FMN1: variants seen among roughly 807,000 people sequenced by gnomAD.
FMN1 encodes the protein formin 1.
In FMN1, 110 loss-of-function variants were observed where a neutral mutation model predicts 132.4. The observed-to-expected ratio is 0.83, with a 90% CI of 0.71 to 0.97. FMN1 has a LOEUF of 0.97. FMN1 is among the 50% of genes least tolerant of loss of function. The pLI, the probability that FMN1 is intolerant of heterozygous loss-of-function variation, is 0.00. For missense variants in FMN1, 1,792 were observed against 1,705.3 expected, an observed-to-expected ratio of 1.05 and a Z score of -0.90; for synonymous variants, 722 against 651.7, an observed-to-expected ratio of 1.11 and a Z score of -1.64.
chr15:33,088,122 G>C (rs925631760), intron 5 of FMN1, among the ~76,000 whole-genome samples: 1 of 152,074 alleles, frequency 6.6e-6, no homozygotes, highest in African/African-American at 2.4e-5. Flanking sequence ...CTGCTTACAT[G>C]ATGGGTGCAC....
rs1555402880 is a variant in FMN1, at chr15:33,115,498, C to CACA, written c.1868-26525_1868-26524insTGT. ...ACTGGATTTCATCCTTAAGCCCCCC[C>CACA]CCCCCACACACACACGCACACACAC... On this transcript the variant is annotated intron_variant, in intron 4 of 20. Transcript: ENST00000616417. Among the ~76,000 whole-genome samples the CACA allele has an allele frequency of 1.4e-3, 209 of 144,562 alleles. 2 individuals are homozygous for CACA. The highest frequency in any genetic ancestry group is 5.1e-3 in the African/African-American group (196 of 38,136). The allele number at this position is 144,562 out of a possible 152,430, so 94.8% of individuals were successfully genotyped here.
At chr15:32,988,589 G>C (rs925946975) in intron 7 of FMN1, among the ~76,000 whole-genome samples, 5 of 152,152 alleles carry the variant, frequency 3.3e-5, no homozygotes, top group African/African-American at 1.2e-4. Flanking sequence ...ATAAATGATG[G>C]GGCAATGGAC....
At position 32,768,521 on chromosome 15, in the gene FMN1, A is replaced by T. The variant is rs1454403072; in HGVS notation, c.*5789T>A. On this transcript the variant is annotated 3_prime_UTR_variant, in exon 21 of 21. Transcript: ENST00000616417. ...AATTTAAGACGTTCTCATAGTTTCA[A>T]AGGTAGAGAGCCCCTCAGTGTCTGC... 2 of 152,254 alleles carry T rather than the reference A, an allele frequency of 1.3e-5. No individual in the cohort carries two copies. The highest frequency in any genetic ancestry group is 4.8e-5 in the African/African-American group (2 of 41,454). The allele number at this position is 152,254 out of a possible 1,614,324, so 9.4% of individuals were successfully genotyped here.
At chr15:32,881,601 G>A (rs2059772130) in intron 16 of FMN1, among the ~76,000 whole-genome samples, 1 of 152,046 alleles carries the variant, frequency 6.6e-6, no homozygotes, top group Non-Finnish European at 1.5e-5. Flanking sequence ...GTTGTTTATG[G>A]GCCATGTTTT....
rs2030902575 is a variant in FMN1 at position 32,964,001 on chromosome 15, T to C, written c.3138+106A>G. On this transcript the variant is annotated intron_variant, in intron 9 of 20. Coordinates refer to ENST00000616417, the MANE Select transcript of FMN1 (RefSeq NM_001277313.2). ...ACACATATATGTATAGGTATGTGTG[T>C]GTGTGTATATACGATACACACACAC... 5.0e-6 allele frequency: 3 copies of C among 596,460 alleles called. 1 individual carries two copies. Among genetic ancestry groups the C allele is most frequent in the South Asian group, 6.5e-5 (2 of 30,742 alleles). 36.9% of individuals were successfully genotyped at this position (596,460 alleles called of 1,614,324 possible). A position where few individuals can be genotyped will look rare whatever the true frequency, so the allele number is the denominator to read the frequency against.
intron 7 of FMN1, among the ~76,000 whole-genome samples, chr15:32,972,030 A>G (rs1445889429): frequency 6.6e-6 from 1 of 152,206 alleles, no homozygotes; most frequent in African/African-American, 2.4e-5. Flanking sequence ...TCTGTACCTC[A>G]GTTTTTTTTG....
Position 33,189,925 on chromosome 15 carries a change from G to A in FMN1, c.-197+3984C>T, listed in dbSNP as rs146834995. Among the ~76,000 whole-genome samples, 1,261 of 152,278 alleles carry A rather than the reference G, an allele frequency of 8.3e-3. 15 individuals carry two copies. Among genetic ancestry groups the A allele is most frequent in the Middle Eastern group, 0.014 (4 of 294 alleles). On this transcript the variant is annotated intron_variant, in intron 2 of 20. Transcript: ENST00000616417. Reference sequence around the variant, plus strand: ...AACTACATGGACTCCCTGGTGTAACGGTGAGAAATCAGCTTTATTAGGACG... The same window carrying A: ...AACTACATGGACTCCCTGGTGTAACAGTGAGAAATCAGCTTTATTAGGACG...
intron 4 of FMN1, chr15:33,105,824 C>A (rs760056190): frequency 6.6e-6 from 1 of 151,778 alleles, no homozygotes. Context: ...AAAAAAACTT[C>A]TCAGCAACGA....
intron 17 of FMN1, among the ~76,000 whole-genome samples, chr15:32,852,741 C>A (rs1452589636): frequency 1.3e-5 from 2 of 152,048 alleles, no homozygotes. Context: ...AGAGATATAC[C>A]CCCTGCAAAA....
At chr15:33,038,438 A>G (rs921970285) in intron 6 of FMN1, among the ~76,000 whole-genome samples, 4 of 152,170 alleles carry the variant, frequency 2.6e-5, no homozygotes, top group African/African-American at 9.7e-5. Context: ...GAATTCATTG[A>G]AAAGTAACAC....
intron 3 of FMN1, among the ~76,000 whole-genome samples, chr15:33,171,951 T>C (rs566930629): frequency 2.2e-4 from 33 of 152,336 alleles, no homozygotes; most frequent in African/African-American, 7.9e-4. Flanking sequence ...GGCTCACGCC[T>C]GTAATCCCAG....
intron 6 of FMN1, among the ~76,000 whole-genome samples, chr15:33,024,056 TAA>T (rs2035549197): frequency 6.6e-6 from 1 of 151,692 alleles, no homozygotes; most frequent in Non-Finnish European, 1.5e-5. Context: ...TATAAATAAA[TAA>T]AAAGGATAGC....
At chr15:33,079,955 CTT>C in intron 5 of FMN1, among the ~76,000 whole-genome samples, 1 of 152,154 alleles carries the variant, frequency 6.6e-6, no homozygotes, top group Admixed American at 6.5e-5. Context: ...TTCTTGATCA[CTT>C]ATAAGCAACA....
At chr15:32,933,839 C>G (rs1402862571) in intron 9 of FMN1, among the ~76,000 whole-genome samples, 1 of 152,024 alleles carries the variant, frequency 6.6e-6, no homozygotes, top group Non-Finnish European at 1.5e-5. Flanking sequence ...CTTGGAATAT[C>G]TTTTTCCATC....
At chr15:33,183,969 G>C (rs1965791537) in intron 2 of FMN1, among the ~76,000 whole-genome samples, 1 of 151,834 alleles carries the variant, frequency 6.6e-6, no homozygotes, top group Non-Finnish European at 1.5e-5. Flanking sequence ...TTTTTGGCCA[G>C]AGAAACTTTT....
At chr15:32,820,900 C>T (rs2058194874) in intron 17 of FMN1, among the ~76,000 whole-genome samples, 2 of 152,066 alleles carry the variant, frequency 1.3e-5, no homozygotes, top group South Asian at 4.1e-4. Context: ...CAGTCAAATT[C>T]ATAAATACTC....
chr15:32,950,054 CATATATATAT>C (rs1226548479), intron 9 of FMN1, among the ~76,000 whole-genome samples: 1 of 4,922 alleles, frequency 2.0e-4, no homozygotes, highest in South Asian at 0.02. Context: ...TATATATACA[CATATATATAT>C]ATATATATAT....
At chr15:32,890,713 C>G (rs1440522080) in intron 15 of FMN1, among the ~76,000 whole-genome samples, 1 of 151,972 alleles carries the variant, frequency 6.6e-6, no homozygotes, top group Non-Finnish European at 1.5e-5. Context: ...TTAGGTTGCC[C>G]CTTTTGAGGT....
At chr15:32,961,304 T>G (rs991788893) in intron 9 of FMN1, among the ~76,000 whole-genome samples, 2 of 151,754 alleles carry the variant, frequency 1.3e-5, no homozygotes, top group African/African-American at 4.8e-5. Context: ...TGGCTAATAT[T>G]TGTGTTTTTA....
Sources: gnomAD v4.1 joint callset for allele counts (sites outside exome capture counted in the v4.1 genomes callset) on GRCh38, gnomAD v4.1.1 for gene constraint, MANE v1.5 for transcripts, NCBI Gene and HGNC (gene_info 2026-07-23, HGNC 2026-07-21) for gene names.